Variants in SMAP1 observed in about 807,000 individuals in gnomAD.
SMAP1 encodes stromal membrane-associated protein 1.
A neutral mutation model predicts 58.5 loss-of-function variants in SMAP1; 24 were observed. The ratio of observed to expected loss-of-function variants is 0.41; its 90% CI spans 0.30 to 0.58. The LOEUF (loss-of-function observed/expected upper bound fraction) is 0.58. Among genes scored for constraint, SMAP1 ranks in the 20% least tolerant of loss-of-function variants. The pLI is 0.29. For missense variants in SMAP1, 563 were observed against 566.3 expected, an observed-to-expected ratio of 0.99 and a Z score of 0.06; for synonymous variants, 216 against 196.6, an observed-to-expected ratio of 1.10 and a Z score of -0.82.
intron 1 of SMAP1, 25 bp downstream of exon 1, chr6:70,668,166 A>C: frequency 1.3e-6 from 2 of 1,577,690 alleles, no homozygotes; most frequent in Non-Finnish European, 1.7e-6. Context: ...GTCGCTGCCC[A>C]CGGTCGGGGC....
chr6:70,817,370 G>T (rs1173767991), intron 6 of SMAP1, among the ~76,000 whole-genome samples: 6 of 151,952 alleles, frequency 3.9e-5, no homozygotes. Flanking sequence ...TCAATTTGAG[G>T]TTCTTTGATT....
chr6:70,737,453 G>A (rs1287497574), intron 2 of SMAP1, among the ~76,000 whole-genome samples: 1 of 152,142 alleles, frequency 6.6e-6, no homozygotes, highest in East Asian at 1.9e-4. Context: ...GGCCGGAAAT[G>A]TATTTTGCAT....
At chr6:70,676,511 T>C (rs1454243120) in intron 1 of SMAP1, among the ~76,000 whole-genome samples, 2 of 152,192 alleles carry the variant, frequency 1.3e-5, no homozygotes, top group Non-Finnish European at 2.9e-5. Flanking sequence ...GGAGATATAG[T>C]CTGTGCTGTT....
chr6:70,789,592 CT>C (rs200041762), intron 4 of SMAP1, among the ~76,000 whole-genome samples: 3,702 of 135,588 alleles, frequency 0.027, 50 homozygotes, highest in Non-Finnish European at 0.041. Flanking sequence ...TTTCTTTTTT[CT>C]TTTTTTTTTT....
Position 70,860,703 on chromosome 6 carries a change from A to C in SMAP1, c.*369A>C, listed in dbSNP as rs1283916385. 6 of 402,434 alleles carry C rather than the reference A, an allele frequency of 1.5e-5. No individual in the cohort carries two copies. The highest frequency in any genetic ancestry group is 6.2e-5 in the African/African-American group (3 of 48,668). 24.9% of individuals were successfully genotyped at this position (402,434 alleles called of 1,614,324 possible). Reference sequence around the variant, plus strand: ...CCTCTAATAGTATAAACCCCACCCCAAAATTAGCCAGTAATCCTGTAGGAA... The same window carrying C: ...CCTCTAATAGTATAAACCCCACCCCCAAATTAGCCAGTAATCCTGTAGGAA... On this transcript the variant is annotated 3_prime_UTR_variant, in exon 11 of 11. Transcript: ENST00000370455.
intron 2 of SMAP1, among the ~76,000 whole-genome samples, chr6:70,751,939 CT>C (rs1766296751): frequency 1.3e-5 from 2 of 152,190 alleles, no homozygotes; most frequent in South Asian, 4.2e-4. Context: ...CTTGACGTAG[CT>C]TTGGAAAACT....
intron 3 of SMAP1, among the ~76,000 whole-genome samples, chr6:70,769,199 G>A (rs1248883464): frequency 6.6e-6 from 1 of 152,152 alleles, no homozygotes; most frequent in Non-Finnish European, 1.5e-5. Context: ...AATAGGTGTG[G>A]TGTGGTGCTG....
Position 70,825,016 on chromosome 6 carries a change from A to G in SMAP1, c.577-11925A>G, listed in dbSNP as rs560844594. On this transcript the variant is annotated intron_variant, in intron 6 of 10. Coordinates refer to ENST00000370455, the MANE Select transcript of SMAP1 (RefSeq NM_001044305.3). ...AGTAACCCTGCTCACCCTGTCATAG[A>G]GCTAATATACTTATCTTGTATTCAC... is the stretch of plus-strand genomic sequence containing the variant. 3.3e-5 allele frequency among the ~76,000 whole-genome samples: 5 copies of G among 152,266 alleles called. No individual in the cohort carries two copies. The South Asian group carries it at 8.3e-4, about 25-fold the overall frequency.
At chr6:70,679,486 C>T (rs1009520136) in intron 1 of SMAP1, among the ~76,000 whole-genome samples, 7 of 151,896 alleles carry the variant, frequency 4.6e-5, no homozygotes, top group Admixed American at 2.0e-4. Context: ...TAGGAAATCC[C>T]AAGAAATTTA....
intron 1 of SMAP1, among the ~76,000 whole-genome samples, chr6:70,717,299 A>G (rs1383568239): frequency 6.6e-6 from 1 of 152,210 alleles, no homozygotes; most frequent in Admixed American, 6.5e-5. Context: ...TTTAGGCTGC[A>G]CTGTCTCTTT....
At chr6:70,690,688 T>A (rs561067256) in intron 1 of SMAP1, among the ~76,000 whole-genome samples, 24 of 136,596 alleles carry the variant, frequency 1.8e-4, no homozygotes, top group African/African-American at 4.3e-4. Flanking sequence ...GATGTATCTT[T>A]TATATATATA....
intron 6 of SMAP1, among the ~76,000 whole-genome samples, chr6:70,822,891 A>C (rs1224574896): frequency 6.6e-6 from 1 of 151,624 alleles, no homozygotes; most frequent in South Asian, 2.1e-4. Flanking sequence ...ATGTATCCTC[A>C]AGCACAGAGA....
intron 1 of SMAP1, among the ~76,000 whole-genome samples, chr6:70,726,095 T>A (rs1768773763): frequency 6.6e-6 from 1 of 152,228 alleles, no homozygotes; most frequent in Non-Finnish European, 1.5e-5. Flanking sequence ...TCTTTATGTT[T>A]TGAGCCTAAA....
intron 4 of SMAP1, among the ~76,000 whole-genome samples, chr6:70,784,843 C>T (rs1392145373): frequency 6.6e-6 from 1 of 152,144 alleles, no homozygotes; most frequent in Admixed American, 6.5e-5. Flanking sequence ...GACTCCCACA[C>T]AATAATAATG....
chr6:70,668,665 G>A (rs1179446032), intron 1 of SMAP1: 1 of 1,535,978 alleles, frequency 6.5e-7, no homozygotes, highest in Admixed American at 2.0e-5. Flanking sequence ...GACAGCTTTT[G>A]TACAAGGCTT....
At chr6:70,723,817 C>A (rs1768639180) in intron 1 of SMAP1, among the ~76,000 whole-genome samples, 1 of 152,080 alleles carries the variant, frequency 6.6e-6, no homozygotes, top group East Asian at 1.9e-4. Flanking sequence ...AAAAAAATAG[C>A]AATTCCGAGG....
intron 4 of SMAP1, among the ~76,000 whole-genome samples, chr6:70,787,779 T>C: frequency 6.6e-6 from 1 of 151,626 alleles, no homozygotes; most frequent in Non-Finnish European, 1.5e-5. Flanking sequence ...AGAATGGCAA[T>C]CATTGAAAAG....
intron 6 of SMAP1, among the ~76,000 whole-genome samples, chr6:70,808,434 CAGAT>C (rs376995321): frequency 2.3e-3 from 357 of 152,266 alleles, no homozygotes; most frequent in African/African-American, 8.2e-3. Flanking sequence ...TTTTTAAAAA[CAGAT>C]AGCCCAATTT....
intron 3 of SMAP1, among the ~76,000 whole-genome samples, chr6:70,761,989 A>T (rs1766764598): frequency 6.6e-6 from 1 of 152,130 alleles, no homozygotes; most frequent in Non-Finnish European, 1.5e-5. Context: ...CAGCTAACCT[A>T]AAGGTCACAA....
Sources: allele counts gnomAD v4.1 joint callset (sites outside exome capture counted in the v4.1 genomes callset), GRCh38; gene constraint gnomAD v4.1.1; transcripts MANE v1.5; gene names NCBI Gene and HGNC (gene_info 2026-07-23, HGNC 2026-07-21).